GPM6B: variants seen among roughly 807,000 people sequenced by gnomAD.
GPM6B encodes the protein neuronal membrane glycoprotein M6-b.
In GPM6B, 4 loss-of-function variants were observed where a neutral mutation model predicts 27.2. The ratio of observed to expected loss-of-function variants is 0.15; its 90% confidence interval spans 0.07 to 0.34. The LOEUF is 0.34. Ranked by LOEUF, GPM6B falls within the 10% of genes least tolerant of loss-of-function variation. The probability of loss-of-function intolerance (pLI) is 1.00; values close to 1 mark genes in which losing one functional copy is unlikely to be tolerated. For synonymous variants in GPM6B, 124 were observed against 103.1 expected (o/e 1.20, Z -1.23); for missense variants, 183 against 261.9 (o/e 0.70, Z 2.08).
chrX:13,922,826 G>T (rs950823732), intron 1 of GPM6B, among the ~76,000 whole-genome samples: 2 of 112,314 alleles, frequency 1.8e-5, no homozygotes, highest in Non-Finnish European at 3.8e-5. Flanking sequence ...TATGACAAAA[G>T]AAGTTAATTT....
At chrX:13,931,429 A>G (rs745594292) in intron 1 of GPM6B, among the ~76,000 whole-genome samples, 1 of 109,714 alleles carries the variant, frequency 9.1e-6, no homozygotes, top group Non-Finnish European at 1.9e-5. Flanking sequence ...CAGAGCTTGC[A>G]GTGAGCCGAG....
chrX:13,837,727 GGA>G (rs2049520470), intron 1 of GPM6B, among the ~76,000 whole-genome samples: 1 of 82,415 alleles, frequency 1.2e-5, no homozygotes, highest in Non-Finnish European at 2.4e-5. Flanking sequence ...GGGGGGGGGG[GGA>G]AGCAGAGGGG....
In GPM6B at chrX:13,886,861, G is replaced by A. The variant is rs996720869; in HGVS notation, c.-198+51466C>T. On this transcript the variant is annotated intron_variant, in intron 1 of 6. Transcript: ENST00000398361. ...AGATGGAGTCTCACTCTATCACCCA[G>A]GCTGGAGTGCAGTAGCATGATCATG... Among the ~76,000 whole-genome samples the A allele has an allele frequency of 6.3e-5, 7 of 110,241 alleles. No homozygotes were observed. In the Admixed American group the frequency reaches 6.8e-4, roughly 11 times the overall value.
chrX:13,914,355 A>C (rs1443818805), intron 1 of GPM6B, among the ~76,000 whole-genome samples: 20 of 112,385 alleles, frequency 1.8e-4, no homozygotes, highest in Non-Finnish European at 3.8e-5. Flanking sequence ...CATTTTCCAG[A>C]GTCTTTTGAA....
At chrX:13,834,580 T>C (rs1303053585) in intron 1 of GPM6B, among the ~76,000 whole-genome samples, 2 of 112,403 alleles carry the variant, frequency 1.8e-5, no homozygotes, top group Non-Finnish European at 3.8e-5. Flanking sequence ...GTTGTGATGA[T>C]TGATAGGCGA....
chrX:13,916,544 C>T (rs1362553094), intron 1 of GPM6B, among the ~76,000 whole-genome samples: 1 of 111,627 alleles, frequency 9.0e-6, no homozygotes, highest in East Asian at 2.8e-4. Context: ...CAAAGCCCAG[C>T]ACCTTCCTCC....
chrX:13,935,015 C>G (rs1921755700), intron 1 of GPM6B, among the ~76,000 whole-genome samples: 1 of 111,315 alleles, frequency 9.0e-6, no homozygotes, highest in Non-Finnish European at 1.9e-5. Flanking sequence ...TTAACAAGAT[C>G]GCTAGATGAT....
At chrX:13,894,012 A>G (rs1238582530) in intron 1 of GPM6B, among the ~76,000 whole-genome samples, 3 of 112,166 alleles carry the variant, frequency 2.7e-5, no homozygotes, top group South Asian at 3.8e-4. Flanking sequence ...ACATCCTCAG[A>G]GACCTCATGG....
In GPM6B at chrX:13,869,997, T is replaced by C. The variant is rs749113863; in HGVS notation, c.-198+68330A>G. Among the ~76,000 whole-genome samples, 158 of 112,158 alleles carry C rather than the reference T, an allele frequency of 1.4e-3. 1 individual carries two copies. Among genetic ancestry groups the C allele is most frequent in the African/African-American group, 4.8e-3 (147 of 30,895 alleles). On this transcript the variant is annotated intron_variant, in intron 1 of 6. Transcript: ENST00000398361. ...GTGCAAATTCCCCAGTCTTTACTTG[T>C]TTTTCATGACCTTGACTCTTTTGAA...
intron 1 of GPM6B, among the ~76,000 whole-genome samples, chrX:13,836,414 T>C (rs1345649129): frequency 8.9e-6 from 1 of 112,061 alleles, no homozygotes; most frequent in Non-Finnish European, 1.9e-5. Context: ...TACCTATTTG[T>C]AGAGGTAAAT....
chrX:13,906,765 G>C (rs997576362), intron 1 of GPM6B, among the ~76,000 whole-genome samples: 2 of 111,747 alleles, frequency 1.8e-5, no homozygotes, highest in Non-Finnish European at 3.8e-5. Flanking sequence ...TTATTGGGAA[G>C]GAAAAATCAC....
intron 1 of GPM6B, among the ~76,000 whole-genome samples, chrX:13,873,268 TGGTAGGAGGTG>T: frequency 9.1e-6 from 1 of 110,283 alleles, no homozygotes; most frequent in East Asian, 2.8e-4. Flanking sequence ...CACTGGAGGT[TGGTAGGAGGTG>T]GGTAAGGTGG....
rs186811086 is a variant in GPM6B at position 13,815,547 on chromosome X, G to A, written c.61+1297C>T. Among the ~76,000 whole-genome samples, 504 of 110,785 alleles carry A rather than the reference G, an allele frequency of 4.5e-3. 1 individual carries two copies. The highest frequency in any genetic ancestry group is 8.0e-3 in the South Asian group (21 of 2,638). On this transcript the variant is annotated intron_variant, in intron 1 of 7. Coordinates refer to ENST00000316715, the MANE Select transcript of GPM6B (RefSeq NM_001001995.3). ...GGTAAGAGGATTGAACTAAACAAAC[G>A]ATTTTAAAATTAAGGTGCTATGTAC... is the stretch of plus-strand genomic sequence containing the variant.
At chrX:13,797,642 A>T (rs1029613981) in intron 2 of GPM6B, among the ~76,000 whole-genome samples, 5 of 110,908 alleles carry the variant, frequency 4.5e-5, no homozygotes, top group African/African-American at 1.3e-4. Context: ...AAGGTTTGTG[A>T]GCAGGCGAGG....
intron 1 of GPM6B, among the ~76,000 whole-genome samples, chrX:13,902,761 C>T (rs2050293858): frequency 8.9e-6 from 1 of 111,782 alleles, no homozygotes; most frequent in African/African-American, 3.3e-5. Context: ...TTATTCCCAC[C>T]ACCTTGGCAA....
intron 1 of GPM6B, among the ~76,000 whole-genome samples, chrX:13,873,688 C>T (rs758865161): frequency 8.9e-6 from 1 of 111,743 alleles, no homozygotes; most frequent in South Asian, 3.8e-4. Flanking sequence ...GTAAGCCCTC[C>T]AGTGACACTG....
chrX:13,804,214 T>C (rs2048974298), intron 2 of GPM6B, among the ~76,000 whole-genome samples: 1 of 111,503 alleles, frequency 9.0e-6, no homozygotes, highest in Non-Finnish European at 1.9e-5. Context: ...AGCCCGCACT[T>C]GGAATAGAGA....
chrX:13,841,045 A>G (rs188093705), intron 1 of GPM6B, among the ~76,000 whole-genome samples: 2 of 112,619 alleles, frequency 1.8e-5, no homozygotes, highest in East Asian at 5.6e-4. Context: ...GCATACCTGC[A>G]TACTTTAGAC....
At chrX:13,912,705 G>A (rs943759973) in intron 1 of GPM6B, among the ~76,000 whole-genome samples, 1 of 112,380 alleles carries the variant, frequency 8.9e-6, no homozygotes, top group Non-Finnish European at 1.9e-5. Flanking sequence ...AGCTTAGGGA[G>A]GGCAGGAATT....
Sources: allele counts gnomAD v4.1 joint callset (sites outside exome capture counted in the v4.1 genomes callset), GRCh38; gene constraint gnomAD v4.1.1; transcripts MANE v1.5; gene names NCBI Gene and HGNC (gene_info 2026-07-23, HGNC 2026-07-21).